The following IQSEC1 variants were observed in gnomAD, a reference collection of about 807,000 sequenced individuals.
The protein encoded by IQSEC1 is IQ motif and Sec7 domain ArfGEF 1.
Under a neutral mutation model 91.0 loss-of-function variants are expected in IQSEC1, and 31 were observed. The ratio of observed to expected loss-of-function variants is 0.34; its 90% CI spans 0.26 to 0.46. The LOEUF is 0.46. Among genes scored for constraint, IQSEC1 ranks in the 20% least tolerant of loss-of-function variants. IQSEC1 has a pLI of 1.00. For missense variants in IQSEC1, 1,388 were observed against 1,575.6 expected (o/e 0.88, Z 2.02); for synonymous variants, 699 against 662.6 (o/e 1.05, Z -0.84).
rs571865806 is a variant in IQSEC1, at chr3:12,935,344, C to T, written c.1568+104G>A. 414 of 1,163,132 alleles carry T rather than the reference C, an allele frequency of 3.6e-4. 4 individuals carry two copies. Among genetic ancestry groups the T allele is most frequent in the Admixed American group, 3.6e-4 (18 of 49,794 alleles). 72.1% of individuals were successfully genotyped at this position (1,163,132 alleles called of 1,614,324 possible). On this transcript the variant is annotated intron_variant, in intron 3 of 13. Transcript: ENST00000613206. This position sits in a 1 kb window ranked among gnomAD's most constrained non-coding sequence, Gnocchi z 8.0. ...GGCAGCTTCCTATGCTCATAGGCCA[C>T]GGTGGACCTCAAGCTCCGTGCTTGG...
chr3:13,181,257 C>G (rs189266568), intron 1 of IQSEC1, among the ~76,000 whole-genome samples: 1 of 151,934 alleles, frequency 6.6e-6, no homozygotes, highest in Admixed American at 6.5e-5. Context: ...GGCGACAGAG[C>G]GAGACTCCGT....
At chr3:13,032,132 G>C (rs1052087577) in intron 1 of IQSEC1, among the ~76,000 whole-genome samples, 1 of 152,104 alleles carries the variant, frequency 6.6e-6, no homozygotes, top group African/African-American at 2.4e-5. Context: ...GTAATTGTTT[G>C]AGAGTAAGGT....
intron 2 of IQSEC1, among the ~76,000 whole-genome samples, chr3:13,105,284 C>T (rs1469623408): frequency 1.3e-5 from 2 of 152,118 alleles, no homozygotes; most frequent in Non-Finnish European, 2.9e-5. Flanking sequence ...CTCTACTTCA[C>T]ACCCATCTGG....
intron 1 of IQSEC1, among the ~76,000 whole-genome samples, chr3:13,267,556 C>T (rs1470250081): frequency 2.0e-5 from 3 of 151,848 alleles, no homozygotes; most frequent in African/African-American, 7.3e-5. Flanking sequence ...GGAGATTAAA[C>T]AAGTCCCCCC....
intron 1 of IQSEC1, among the ~76,000 whole-genome samples, chr3:12,958,660 A>T (rs565940343): frequency 6.6e-6 from 1 of 152,282 alleles, no homozygotes; most frequent in Admixed American, 6.5e-5. Flanking sequence ...CTGATTCCAC[A>T]CTAGCACCCA....
intron 2 of IQSEC1, among the ~76,000 whole-genome samples, chr3:13,079,785 G>A (rs1705621240): frequency 6.6e-6 from 1 of 152,196 alleles, no homozygotes; most frequent in Non-Finnish European, 1.5e-5. Flanking sequence ...TCTAATGCAA[G>A]TACCTTGTAA....
At chr3:13,135,083 G>T (rs938486240) in intron 2 of IQSEC1, among the ~76,000 whole-genome samples, 10 of 152,306 alleles carry the variant, frequency 6.6e-5, no homozygotes, top group Non-Finnish European at 1.3e-4. Context: ...GCTGAGGGAG[G>T]CTGAGCAGAT....
chr3:13,164,762 A>C (rs540288044), intron 1 of IQSEC1, among the ~76,000 whole-genome samples: 2 of 152,330 alleles, frequency 1.3e-5, no homozygotes, highest in African/African-American at 2.4e-5. Context: ...ACACCAAAGG[A>C]AAGGGACTTT....
rs117067357 is a variant in IQSEC1, at chr3:13,049,257, G to T, written c.23+23735C>A. Among the ~76,000 whole-genome samples the T allele has an allele frequency of 4.8e-3, 733 of 152,284 alleles. 51 individuals are homozygous for T. In the South Asian group the frequency reaches 0.11, roughly 23 times the overall value. On this transcript the variant is annotated intron_variant, in intron 1 of 13. Coordinates refer to ENST00000613206, the MANE Select transcript of IQSEC1 (RefSeq NM_001134382.3). ...CCACATGAGATGATACCGATACGAT[G>T]CGACGAAAATACTGCAAAATGGTGC... is the stretch of plus-strand genomic sequence containing the variant.
intron 1 of IQSEC1, among the ~76,000 whole-genome samples, chr3:13,252,948 G>A (rs2125118838): frequency 6.6e-6 from 1 of 152,242 alleles, no homozygotes; most frequent in Admixed American, 6.5e-5. Flanking sequence ...TAGCCAGGAT[G>A]GTCTCGATCT....
chr3:13,109,364 G>A (rs1453540142), intron 2 of IQSEC1, among the ~76,000 whole-genome samples: 1 of 152,174 alleles, frequency 6.6e-6, no homozygotes, highest in Non-Finnish European at 1.5e-5. Context: ...TCTGGGTGGT[G>A]AGTGTGTGGA....
intron 1 of IQSEC1, among the ~76,000 whole-genome samples, chr3:13,281,529 C>A (rs75995468): frequency 6.6e-6 from 1 of 152,068 alleles, no homozygotes; most frequent in African/African-American, 2.4e-5. Context: ...AGCCCCCCAG[C>A]CCCACCCGCA....
rs116746231 is a variant in IQSEC1, at chr3:12,923,316, G to A, written c.1731-1074C>T. ...GGGGCAGCATAGGAATGGCTGCAGG[G>A]GATGGGGGTGGGAGCTGGGCATTTA... On this transcript the variant is annotated intron_variant, in intron 4 of 13. Coordinates refer to ENST00000613206, the MANE Select transcript of IQSEC1 (RefSeq NM_001134382.3). 4.8e-3 allele frequency among the ~76,000 whole-genome samples: 735 copies of A among 152,322 alleles called. 6 individuals are homozygous for A. Among genetic ancestry groups the A allele is most frequent in the Middle Eastern group, 0.048 (14 of 294 alleles).
intron 1 of IQSEC1, among the ~76,000 whole-genome samples, chr3:13,055,777 G>C (rs1704853661): frequency 6.6e-6 from 1 of 152,234 alleles, no homozygotes; most frequent in African/African-American, 2.4e-5. Flanking sequence ...GGGAGTACAT[G>C]CTGTGCAAGG....
intron 1 of IQSEC1, among the ~76,000 whole-genome samples, chr3:13,252,467 C>T (rs559893375): frequency 5.9e-5 from 9 of 152,328 alleles, no homozygotes; most frequent in East Asian, 1.9e-4. Flanking sequence ...GGGTTGCTTC[C>T]ATCTTTTGGC....
intron 1 of IQSEC1, among the ~76,000 whole-genome samples, chr3:12,980,737 C>T (rs1471965090): frequency 6.6e-6 from 1 of 152,140 alleles, no homozygotes; most frequent in Non-Finnish European, 1.5e-5. Flanking sequence ...TCCTAAGAGC[C>T]CTTCTGTTCT....
upstream of IQSEC1, among the ~76,000 whole-genome samples, chr3:13,076,254 C>T (rs756167595): frequency 2.0e-5 from 3 of 152,186 alleles, no homozygotes; most frequent in African/African-American, 4.8e-5. Context: ...ATTCAGACAG[C>T]GTTTTCATCC....
At chr3:13,147,826 T>C (rs1343114408) in intron 2 of IQSEC1, among the ~76,000 whole-genome samples, 1 of 152,226 alleles carries the variant, frequency 6.6e-6, no homozygotes, top group Non-Finnish European at 1.5e-5. Flanking sequence ...AGAGATGAGG[T>C]TTCACCATGT....
At chr3:13,107,611 A>G (rs548574997) in intron 2 of IQSEC1, among the ~76,000 whole-genome samples, 1 of 152,356 alleles carries the variant, frequency 6.6e-6, no homozygotes, top group African/African-American at 2.4e-5. Context: ...CTCAGCACCA[A>G]GTTGGAACCC....
Sources: gnomAD v4.1 joint callset for allele counts (sites outside exome capture counted in the v4.1 genomes callset) on GRCh38, gnomAD v4.1.1 for gene constraint, Gnocchi (gnomAD v3.1) non-coding constraint, MANE v1.5 for transcripts, NCBI Gene and HGNC (gene_info 2026-07-23, HGNC 2026-07-21) for gene names.